Variants in RAB11FIP4 observed in about 807,000 individuals in gnomAD.
RAB11FIP4 encodes rab11 family-interacting protein 4.
In RAB11FIP4, 23 loss-of-function variants were observed where a neutral mutation model predicts 74.3. The ratio of observed to expected loss-of-function variants is 0.31; its 90% confidence interval spans 0.22 to 0.44. The LOEUF (loss-of-function observed/expected upper bound fraction) is 0.44. RAB11FIP4 is among the 20% of genes least tolerant of loss of function. The probability of loss-of-function intolerance (pLI) is 1.00; values close to 1 mark genes in which losing one functional copy is unlikely to be tolerated. For missense variants in RAB11FIP4, 630 were observed against 863.9 expected, an observed-to-expected ratio of 0.73 and a Z score of 3.39; for synonymous variants, 360 against 359.9, an observed-to-expected ratio of 1.00 and a Z score of 0.00.
chr17:31,465,429 T>C (rs1312960074), intron 3 of RAB11FIP4: 1 of 151,506 alleles, frequency 6.6e-6, no homozygotes. Context: ...TCCAGGCCTA[T>C]GCTCCGGGAC....
chr17:31,422,128 T>A (rs1489455133), intron 1 of RAB11FIP4, among the ~76,000 whole-genome samples: 2 of 152,088 alleles, frequency 1.3e-5, no homozygotes, highest in African/African-American at 4.8e-5. Flanking sequence ...TGAGCTATGA[T>A]CACACCGCTG....
rs2072923461 is a variant in RAB11FIP4 at position 31,534,346 on chromosome 17, CA to C, written c.*2616del. 6.6e-6 allele frequency: 1 copy of C among 152,222 alleles called. No individual in the cohort carries two copies. Among genetic ancestry groups the C allele is most frequent in the African/African-American group, 2.4e-5 (1 of 41,440 alleles). The allele number at this position is 152,222 out of a possible 1,614,324, so 9.4% of individuals were successfully genotyped here. A position where few individuals can be genotyped will look rare whatever the true frequency, so the allele number is the denominator to read the frequency against. On this transcript the variant is annotated 3_prime_UTR_variant, in exon 15 of 15. Transcript: ENST00000621161. ...GTAGTGGTATGATCATAGCTCACCA[CA>C]ACCTTGAACTCCCAGGCTCAAGCGA...
At chr17:31,487,445 A>G (rs181765201) in intron 3 of RAB11FIP4, among the ~76,000 whole-genome samples, 184 of 149,264 alleles carry the variant, frequency 1.2e-3, no homozygotes, top group African/African-American at 4.4e-3. Flanking sequence ...AGCATTCAAC[A>G]GGAAGGGTCC....
chr17:31,502,990 G>A (rs1005036802), intron 3 of RAB11FIP4, among the ~76,000 whole-genome samples: 23 of 151,602 alleles, frequency 1.5e-4, no homozygotes, highest in African/African-American at 5.6e-4. Context: ...CCACCCATTA[G>A]GACTTCAATT....
chr17:31,500,427 G>A (rs770641050), intron 3 of RAB11FIP4, among the ~76,000 whole-genome samples: 4 of 152,174 alleles, frequency 2.6e-5, no homozygotes, highest in Non-Finnish European at 4.4e-5. Flanking sequence ...CAGAAATACT[G>A]TCTGGCACGG....
chr17:31,537,363 C>T lies in RAB11FIP4; in HGVS notation c.*5631C>T, dbSNP rs1464196855. ...TAGACTTGGTAACTTTGTACAGAAT[C>T]TTTCATTATTGTCTTAAGCATGGGG... is the stretch of plus-strand genomic sequence containing the variant. On this transcript the variant is annotated 3_prime_UTR_variant, in exon 15 of 15. Coordinates refer to ENST00000621161, the MANE Select transcript of RAB11FIP4 (RefSeq NM_032932.6). 2.5e-6 allele frequency: 1 copy of T among 397,520 alleles called. No individual in the cohort carries two copies. Among genetic ancestry groups the T allele is most frequent in the Non-Finnish European group, 4.4e-6 (1 of 225,722 alleles). The allele number at this position is 397,520 out of a possible 1,614,324, so 24.6% of individuals were successfully genotyped here. A position where few individuals can be genotyped will look rare whatever the true frequency, so the allele number is the denominator to read the frequency against.
intron 1 of RAB11FIP4, among the ~76,000 whole-genome samples, chr17:31,400,767 G>A (rs1031254614): frequency 1.3e-4 from 20 of 152,204 alleles, no homozygotes; most frequent in African/African-American, 4.1e-4. Flanking sequence ...GTGAGGACTC[G>A]GGAGCTCCAC....
intron 5 of RAB11FIP4, 72 bp downstream of exon 5, chr17:31,521,432 G>C (rs2301684): frequency 2.9e-6 from 4 of 1,358,624 alleles, no homozygotes; most frequent in African/African-American, 1.6e-5. Context: ...CCTAGGGGGT[G>C]GGGGGGTGCG....
rs1158905054 is a variant in RAB11FIP4, at chr17:31,533,900, TGGG to T, written c.*2172_*2174del. 6.6e-6 allele frequency: 1 copy of T among 152,102 alleles called. No individual in the cohort carries two copies. The highest frequency in any genetic ancestry group is 1.5e-5 in the Non-Finnish European group (1 of 67,976). 9.4% of individuals were successfully genotyped at this position (152,102 alleles called of 1,614,324 possible). Reference sequence around the variant, plus strand: ...CTCTGGAGCAGGCCTGGCTTTTAAATGGGGGGCTGAATTCCAGCTCACACACAC... The same window carrying T: ...CTCTGGAGCAGGCCTGGCTTTTAAATGGGCTGAATTCCAGCTCACACACAC... On this transcript the variant is annotated 3_prime_UTR_variant, in exon 15 of 15. Transcript: ENST00000621161.
intron 3 of RAB11FIP4, among the ~76,000 whole-genome samples, chr17:31,470,102 C>G (rs988898716): frequency 6.6e-6 from 1 of 152,210 alleles, no homozygotes; most frequent in Non-Finnish European, 1.5e-5. Context: ...TCCCCTCTCA[C>G]TGTGGGAACA....
At chr17:31,430,898 A>G (rs1007197811) in intron 1 of RAB11FIP4, among the ~76,000 whole-genome samples, 6 of 152,236 alleles carry the variant, frequency 3.9e-5, no homozygotes, top group Admixed American at 6.5e-5. Context: ...CTGCAGTGGC[A>G]GGAAGGGAGG....
chr17:31,471,527 C>G (rs2071736652), intron 3 of RAB11FIP4, among the ~76,000 whole-genome samples: 1 of 152,196 alleles, frequency 6.6e-6, no homozygotes, highest in Non-Finnish European at 1.5e-5. Context: ...GATACTATTC[C>G]TATCCCCATT....
intron 1 of RAB11FIP4, among the ~76,000 whole-genome samples, chr17:31,417,107 C>T (rs572899661): frequency 2.0e-5 from 3 of 151,900 alleles, no homozygotes; most frequent in South Asian, 2.1e-4. Context: ...CTGCCCTTCA[C>T]GTCCTTCCCC....
chr17:31,494,931 G>C (rs2072085214), intron 3 of RAB11FIP4, among the ~76,000 whole-genome samples: 1 of 152,226 alleles, frequency 6.6e-6, no homozygotes, highest in Admixed American at 6.5e-5. Flanking sequence ...GAGGGAGACT[G>C]TACCTAGCCT....
intron 1 of RAB11FIP4, among the ~76,000 whole-genome samples, chr17:31,422,050 C>G (rs2071205307): frequency 6.6e-6 from 1 of 152,036 alleles, no homozygotes. Flanking sequence ...TGACATATCC[C>G]TGTAGTCCCA....
Position 31,493,203 on chromosome 17 carries a change from A to G in RAB11FIP4, c.337-24448A>G, listed in dbSNP as rs866959498. 3.3e-5 allele frequency among the ~76,000 whole-genome samples: 5 copies of G among 152,378 alleles called. No homozygotes were observed. The South Asian group carries it at 8.3e-4, about 25-fold the overall frequency. On this transcript the variant is annotated intron_variant, in intron 3 of 14. Transcript: ENST00000621161. Reference sequence around the variant, plus strand: ...TTGATCTAACCTGCTTCATCTTCCCAGACAAGTGGGTTCTTTCCCAACAAT... The same window carrying G: ...TTGATCTAACCTGCTTCATCTTCCCGGACAAGTGGGTTCTTTCCCAACAAT...
chr17:31,443,275 C>A (rs942765072), intron 3 of RAB11FIP4, among the ~76,000 whole-genome samples: 31 of 152,138 alleles, frequency 2.0e-4, no homozygotes, highest in Admixed American at 1.7e-3. Context: ...AGAAATATAA[C>A]TTTTTGACAT....
At chr17:31,443,220 T>G (rs1474869764) in intron 3 of RAB11FIP4, among the ~76,000 whole-genome samples, 1 of 152,226 alleles carries the variant, frequency 6.6e-6, no homozygotes, top group East Asian at 1.9e-4. Context: ...GTCGACATTC[T>G]CCACCCTGGC....
intron 5 of RAB11FIP4, 76 bp downstream of exon 5, chr17:31,521,436 G>A (rs1246014266): frequency 1.5e-5 from 20 of 1,327,350 alleles, no homozygotes; most frequent in East Asian, 2.5e-5. Flanking sequence ...GGGGGTGGGG[G>A]GGTGCGAGTC....
Sources: gnomAD v4.1 joint callset for allele counts (sites outside exome capture counted in the v4.1 genomes callset) on GRCh38, gnomAD v4.1.1 for gene constraint, MANE v1.5 for transcripts, NCBI Gene and HGNC (gene_info 2026-07-23, HGNC 2026-07-21) for gene names.